The following MYCBP2 variants were observed in gnomAD, a reference collection of about 807,000 sequenced individuals.
MYCBP2 encodes the protein MYC binding protein 2, also known as E3 ubiquitin-protein ligase MYCBP2.
A neutral mutation model predicts 525.3 loss-of-function variants in MYCBP2; 120 were observed. That is an observed-to-expected ratio of 0.23 (90% CI 0.20 to 0.27). The LOEUF (loss-of-function observed/expected upper bound fraction) is 0.27. Ranked by LOEUF, MYCBP2 falls within the 10% of genes least tolerant of loss-of-function variation. The pLI is 1.00. For synonymous variants in MYCBP2, 1,894 were observed against 1,955.8 expected (o/e 0.97, Z 0.83); for missense variants, 4,149 against 5,657.1 (o/e 0.73, Z 8.55).
At chr13:77,296,372 G>A (rs142509768) in intron 2 of MYCBP2, among the ~76,000 whole-genome samples, 190 of 150,630 alleles carry the variant, frequency 1.3e-3, no homozygotes, top group Non-Finnish European at 2.1e-3. Flanking sequence ...CAGCCTGGGT[G>A]ACAAAACAAG....
At chr13:77,067,993 C>T in intron 70 of MYCBP2, 129 bp from the exon 71 acceptor site, 5 of 824,536 alleles carry the variant, frequency 6.1e-6, no homozygotes, top group Non-Finnish European at 9.2e-6. Flanking sequence ...AGTGGAGCAA[C>T]CACAGCTCAC....
chr13:77,114,220 C>G (rs1213543742), intron 55 of MYCBP2, among the ~76,000 whole-genome samples: 1 of 151,984 alleles, frequency 6.6e-6, no homozygotes, highest in East Asian at 1.9e-4. Context: ...CTCATTTGTC[C>G]CTTTCTAAAT....
chr13:77,099,175 C>G (rs573636569), intron 55 of MYCBP2, 162 bp from the exon 56 acceptor site: 6 of 986,558 alleles, frequency 6.1e-6, no homozygotes, highest in Non-Finnish European at 7.2e-6. Context: ...GGAAATATTT[C>G]TAATAAAATT....
In MYCBP2 at chr13:77,233,039, A is replaced by AT. The variant is rs1374808516; in HGVS notation, c.2737+116dup. 1.7e-4 allele frequency: 140 copies of AT among 821,452 alleles called. No homozygotes were observed. In the African/African-American group the frequency reaches 2.2e-3, roughly 13 times the overall value. The allele number at this position is 821,452 out of a possible 1,614,324, so 50.9% of individuals were successfully genotyped here. On this transcript the variant is annotated intron_variant, in intron 18 of 82. Coordinates refer to ENST00000544440, the MANE Select transcript of MYCBP2 (RefSeq NM_015057.5). ...AGAATGTTCTTTCTCCTCAGGCTAC[A>AT]TCATGATAGAAGCAAAGTAGAAGAA...
chr13:77,212,204 C>A (rs751106325), intron 21 of MYCBP2, 44 bp from the exon 22 acceptor site: 1 of 1,547,206 alleles, frequency 6.5e-7, no homozygotes, highest in Non-Finnish European at 8.8e-7. Flanking sequence ...GCTGTGTAAA[C>A]AATCTAATTT....
In MYCBP2 at chr13:77,273,682, A is replaced by G; in HGVS notation, c.749-14T>C. On this transcript the variant is annotated splice_polypyrimidine_tract_variant and intron_variant, in intron 4 of 82. Coordinates refer to ENST00000544440, the MANE Select transcript of MYCBP2 (RefSeq NM_015057.5). Reference sequence around the variant, plus strand: ...GGAAGAGAGACTCTGTGGATAAAATAGAATTCAATTATATTCATCCAACAT... The same window carrying G: ...GGAAGAGAGACTCTGTGGATAAAATGGAATTCAATTATATTCATCCAACAT... The G allele has an allele frequency of 6.8e-7, 1 of 1,470,188 alleles. No homozygotes were observed. Among genetic ancestry groups the G allele is most frequent in the South Asian group, 1.6e-5 (1 of 64,450 alleles). The allele number at this position is 1,470,188 out of a possible 1,614,324, so 91.1% of individuals were successfully genotyped here. A position where few individuals can be genotyped will look rare whatever the true frequency, so the allele number is the denominator to read the frequency against.
At chr13:77,108,036 A>C (rs1024183912) in intron 55 of MYCBP2, among the ~76,000 whole-genome samples, 21 of 152,232 alleles carry the variant, frequency 1.4e-4, no homozygotes, top group Admixed American at 1.4e-3. Context: ...AGACTTATTT[A>C]CATAAATGTT....
chr13:77,179,979 A>T (rs1454424995), intron 34 of MYCBP2, 148 bp downstream of exon 34: 71 of 605,470 alleles, frequency 1.2e-4, no homozygotes, highest in Non-Finnish European at 8.7e-6. Flanking sequence ...TAGGAGGTGG[A>T]GAGAAAGGCA....
At chr13:77,242,968 A>T (rs2069138789) in intron 17 of MYCBP2, 91 bp downstream of exon 17, 4 of 1,032,902 alleles carry the variant, frequency 3.9e-6, no homozygotes, top group Non-Finnish European at 5.9e-6. Context: ...ATTTCTTACC[A>T]AATTAGTTTA....
chr13:77,294,996 TG>T (rs2078018369), intron 2 of MYCBP2, among the ~76,000 whole-genome samples: 1 of 152,222 alleles, frequency 6.6e-6, no homozygotes, highest in Admixed American at 6.5e-5. Context: ...CTTTCTGCTA[TG>T]ACTAGTATAA....
chr13:77,051,733 T>C (rs2154055879), intron 81 of MYCBP2, 78 bp downstream of exon 81: 1 of 1,045,058 alleles, frequency 9.6e-7, no homozygotes, highest in Non-Finnish European at 1.4e-6. Flanking sequence ...TGATTTACAT[T>C]CCCACCATAT....
At chr13:77,051,762 A>T (rs1566278923) in intron 81 of MYCBP2, 49 bp downstream of exon 81, 4 of 1,350,776 alleles carry the variant, frequency 3.0e-6, no homozygotes, top group Non-Finnish European at 3.1e-6. Context: ...AAAAAATAAT[A>T]CTATTTAACA....
chr13:77,202,810 C>T (rs1172571349), intron 26 of MYCBP2, among the ~76,000 whole-genome samples: 13 of 152,252 alleles, frequency 8.5e-5, no homozygotes, highest in South Asian at 8.3e-4. Flanking sequence ...ATTATCTCAA[C>T]AGATGCAGAA....
At position 77,190,339 on chromosome 13, in the gene MYCBP2, A is replaced by T. The variant is rs1270379136; in HGVS notation, c.4071-4T>A. 1 of 1,578,158 alleles carries T rather than the reference A, an allele frequency of 6.3e-7. No homozygotes were observed. The highest frequency in any genetic ancestry group is 8.7e-7 in the Non-Finnish European group (1 of 1,151,158). ...ACTCTTGAACTGGAAAACAACCCTA[A>T]GAAGAGAAAACAATGATACCAAAAA... On this transcript the variant is annotated splice_region_variant and splice_polypyrimidine_tract_variant and intron_variant, in intron 28 of 82. Transcript: ENST00000544440.
In MYCBP2 at chr13:77,081,342, T is replaced by C. The variant is rs1177658282; in HGVS notation, c.11418+85A>G. On this transcript the variant is annotated intron_variant, in intron 65 of 82. Coordinates refer to ENST00000544440, the MANE Select transcript of MYCBP2 (RefSeq NM_015057.5). This position sits in a 1 kb window ranked among gnomAD's most constrained non-coding sequence, Gnocchi z 4.6. Reference sequence around the variant, plus strand: ...TTGGTGAAATTCCAGGTGATAAAGCTTGTTGCTAAATTCAGAAATGAAAGT... The same window carrying C: ...TTGGTGAAATTCCAGGTGATAAAGCCTGTTGCTAAATTCAGAAATGAAAGT... 8.7e-7 allele frequency: 1 copy of C among 1,150,164 alleles called. No individual in the cohort carries two copies. Among genetic ancestry groups the C allele is most frequent in the Non-Finnish European group, 1.3e-6 (1 of 791,486 alleles). The allele number at this position is 1,150,164 out of a possible 1,614,324, so 71.2% of individuals were successfully genotyped here.
At chr13:77,296,182 G>A (rs191596411) in intron 2 of MYCBP2, among the ~76,000 whole-genome samples, 1 of 152,296 alleles carries the variant, frequency 6.6e-6, no homozygotes, top group East Asian at 1.9e-4. Flanking sequence ...TACTTTGGGA[G>A]GCCGAGGTGA....
At chr13:77,195,886 A>G (rs1370234994) in intron 26 of MYCBP2, among the ~76,000 whole-genome samples, 1 of 152,192 alleles carries the variant, frequency 6.6e-6, no homozygotes, top group African/African-American at 2.4e-5. Context: ...ACAGCATGAT[A>G]TGAAGGTTCT....
chr13:77,208,532 A>G (rs564030106), intron 23 of MYCBP2, among the ~76,000 whole-genome samples: 1 of 152,316 alleles, frequency 6.6e-6, no homozygotes, highest in South Asian at 2.1e-4. Context: ...GAATTCCACA[A>G]TTTTAATAAT....
At chr13:77,309,397 T>C (rs2079875431) in intron 1 of MYCBP2, among the ~76,000 whole-genome samples, 1 of 152,150 alleles carries the variant, frequency 6.6e-6, no homozygotes, top group Admixed American at 6.5e-5. Context: ...ATCCTAGCAG[T>C]AGACTTTTCA....
Sources: gnomAD v4.1 joint callset for allele counts (sites outside exome capture counted in the v4.1 genomes callset) on GRCh38, gnomAD v4.1.1 for gene constraint, Gnocchi (gnomAD v3.1) non-coding constraint, MANE v1.5 for transcripts, NCBI Gene and HGNC (gene_info 2026-07-23, HGNC 2026-07-21) for gene names.